The following TECR variants were observed in gnomAD, a reference collection of about 807,000 sequenced individuals.
The protein encoded by TECR is trans-2,3-enoyl-CoA reductase.
TECR carries 19 observed loss-of-function variants against 50.6 expected under a neutral mutation model. That is an observed-to-expected ratio of 0.38 (90% CI 0.26 to 0.55). The LOEUF is 0.55. Ranked by LOEUF, TECR falls within the 20% of genes least tolerant of loss-of-function variation. The probability of loss-of-function intolerance (pLI) is 0.79; values close to 1 mark genes in which losing one functional copy is unlikely to be tolerated. For synonymous variants in TECR, 168 were observed against 163.5 expected (o/e 1.03, Z -0.21); for missense variants, 313 against 408.3 (o/e 0.77, Z 2.01).
intron 11 of TECR, 63 bp from the exon 12 acceptor site, chr19:14,565,555 C>G (rs2074054137): frequency 1.3e-6 from 2 of 1,570,560 alleles, no homozygotes; most frequent in East Asian, 4.7e-5. Flanking sequence ...CTGGCTGAGT[C>G]CAGGACAGCC....
At chr19:14,532,532 AAAAG>A (rs1207484543) in intron 1 of TECR, 1 of 151,530 alleles carries the variant, frequency 6.6e-6, no homozygotes, top group Non-Finnish European at 1.5e-5. Flanking sequence ...AAAAAAAAAA[AAAAG>A]GGAAGCTTCA....
chr19:14,564,664 C>G, intron 7 of TECR, 122 bp from the exon 8 acceptor site: 1 of 1,091,246 alleles, frequency 9.2e-7, no homozygotes, highest in Middle Eastern at 2.8e-4. Flanking sequence ...CTCCCCAGCC[C>G]CGCCCCAAGG....
At chr19:14,529,912 A>T in intron 1 of TECR, 1 of 740,618 alleles carries the variant, frequency 1.4e-6, no homozygotes, top group East Asian at 2.7e-5. Context: ...TAAATCTGCA[A>T]CCCAGGCTGT....
chr19:14,535,747 ACT>A (rs1475604755), intron 1 of TECR, among the ~76,000 whole-genome samples: 3 of 90,130 alleles, frequency 3.3e-5, no homozygotes, highest in African/African-American at 4.7e-5. Flanking sequence ...ACAGAGTGAG[ACT>A]CTGTCTCAAA....
At chr19:14,549,974 C>T (rs1173412616) in intron 1 of TECR, among the ~76,000 whole-genome samples, 6 of 151,806 alleles carry the variant, frequency 4.0e-5, no homozygotes, top group African/African-American at 1.2e-4. Flanking sequence ...AAACTATACA[C>T]CTGCCCCCTT....
intron 1 of TECR, among the ~76,000 whole-genome samples, chr19:14,550,869 A>G (rs1190224870): frequency 6.6e-6 from 1 of 151,884 alleles, no homozygotes; most frequent in Non-Finnish European, 1.5e-5. Context: ...ACAGGGTTTC[A>G]CCATGTTAGC....
At chr19:14,542,013 C>A (rs964284139) in intron 1 of TECR, among the ~76,000 whole-genome samples, 2 of 152,094 alleles carry the variant, frequency 1.3e-5, no homozygotes, top group African/African-American at 4.8e-5. Context: ...GAACTCCTGA[C>A]CTCAAGTGAT....
intron 11 of TECR, 113 bp downstream of exon 11, chr19:14,565,403 A>G: frequency 7.0e-7 from 1 of 1,434,610 alleles, no homozygotes; most frequent in Non-Finnish European, 9.6e-7. Context: ...CTGCACTGCG[A>G]GCATTGGGAG....
At chr19:14,528,909 C>T (rs2072504010), upstream of TECR, among the ~76,000 whole-genome samples, 1 of 152,170 alleles carries the variant, frequency 6.6e-6, no homozygotes, top group South Asian at 2.1e-4. Context: ...CGCCACTGCA[C>T]TCCAGCTGGG....
At chr19:14,552,172 C>CTT (rs536176918) in intron 1 of TECR, among the ~76,000 whole-genome samples, 9 of 133,486 alleles carry the variant, frequency 6.7e-5, no homozygotes, top group Non-Finnish European at 1.1e-4. Context: ...TTTCTTTTTT[C>CTT]TTTTTTTTTT....
At position 14,563,358 on chromosome 19, in the gene TECR, G is replaced by T; in HGVS notation, c.118+101G>T. 3.4e-6 allele frequency: 4 copies of T among 1,188,038 alleles called. No homozygotes were observed. Among genetic ancestry groups the T allele is most frequent in the Non-Finnish European group, 4.9e-6 (4 of 810,550 alleles). The allele number at this position is 1,188,038 out of a possible 1,614,324, so 73.6% of individuals were successfully genotyped here. On this transcript the variant is annotated intron_variant, in intron 3 of 12. Coordinates refer to ENST00000215567, the MANE Select transcript of TECR (RefSeq NM_138501.6). This position sits in a 1 kb window ranked among gnomAD's most constrained non-coding sequence, Gnocchi z 5.3. The stretch of plus-strand genomic sequence containing the variant: ...TGCACCCCTCTCCCAGGGGCCTGCA[G>T]AGATGCCCCAGTGTGGCCCAGGCTT...
Position 14,563,117 on chromosome 19 carries a change from C to G in TECR, c.67-89C>G. The G allele has an allele frequency of 6.4e-7, 1 of 1,563,720 alleles. No homozygotes were observed. Among genetic ancestry groups the G allele is most frequent in the Non-Finnish European group, 8.8e-7 (1 of 1,139,718 alleles). ...CCCCCTTCCCATAGCTACAGCCCAA[C>G]CCCCAGCCTGCCATCCCCTTTAGTA... is the stretch of plus-strand genomic sequence containing the variant. On this transcript the variant is annotated intron_variant, in intron 2 of 12. Transcript: ENST00000215567. This position sits in a 1 kb window ranked among gnomAD's most constrained non-coding sequence, Gnocchi z 5.3.
chr19:14,563,288 G>A lies in TECR; in HGVS notation c.118+31G>A. 1.3e-6 allele frequency: 2 copies of A among 1,589,412 alleles called. No homozygotes were observed. Among genetic ancestry groups the A allele is most frequent in the Non-Finnish European group, 1.7e-6 (2 of 1,157,560 alleles). ...TTCTAGTCCCGGCCACACTGCCCCT[G>A]CAACCCCTTTGACCAGGGACCTTAG... On this transcript the variant is annotated intron_variant, in intron 3 of 12. Transcript: ENST00000215567. The surrounding 1 kb of genome is among the most constrained non-coding windows in gnomAD (Gnocchi z 5.3).
intron 1 of TECR, among the ~76,000 whole-genome samples, chr19:14,560,475 C>G (rs1205243141): frequency 6.6e-6 from 1 of 152,232 alleles, no homozygotes; most frequent in Non-Finnish European, 1.5e-5. Context: ...CTGTGCTAAC[C>G]CTTTCCCGTG....
chr19:14,534,384 A>C (rs1485233639), intron 1 of TECR, among the ~76,000 whole-genome samples: 1 of 126,000 alleles, frequency 7.9e-6, no homozygotes, highest in Non-Finnish European at 1.6e-5. Flanking sequence ...TCGGCCTCCC[A>C]GGGTGCTGGG....
chr19:14,530,069 AC>A (rs954215458), intron 1 of TECR: 1 of 397,886 alleles, frequency 2.5e-6, no homozygotes, highest in African/African-American at 2.0e-5. Flanking sequence ...GGAGTCTTGC[AC>A]AAATCTTGCG....
intron 1 of TECR, 36 bp downstream of exon 1, chr19:14,529,747 C>G (rs1211040734): frequency 6.2e-7 from 1 of 1,613,750 alleles, no homozygotes; most frequent in African/African-American, 1.3e-5. Flanking sequence ...GTGGCCACTG[C>G]TGACCCATTC....
At chr19:14,552,867 C>T (rs752928395) in intron 1 of TECR, among the ~76,000 whole-genome samples, 2 of 152,122 alleles carry the variant, frequency 1.3e-5, no homozygotes, top group Middle Eastern at 3.4e-3. Context: ...TGGGTGAGGC[C>T]TGGGTGGCAG....
At chr19:14,534,182 T>C (rs2072777320) in intron 1 of TECR, 1 of 151,886 alleles carries the variant, frequency 6.6e-6, no homozygotes, top group Non-Finnish European at 1.5e-5. Context: ...TGGAGTGCAG[T>C]GGCTCCATCT....
Sources: gnomAD v4.1 joint callset for allele counts (sites outside exome capture counted in the v4.1 genomes callset) on GRCh38, gnomAD v4.1.1 for gene constraint, Gnocchi (gnomAD v3.1) non-coding constraint, MANE v1.5 for transcripts, NCBI Gene and HGNC (gene_info 2026-07-23, HGNC 2026-07-21) for gene names.